Variants in CNTN3 observed in about 807,000 individuals in gnomAD.
CNTN3 encodes contactin-3.
Under a neutral mutation model 119.1 loss-of-function variants are expected in CNTN3, and 60 were observed. The ratio of observed to expected loss-of-function variants is 0.50; its 90% CI spans 0.41 to 0.62. The LOEUF (loss-of-function observed/expected upper bound fraction) is 0.62, where lower values mean the gene tolerates loss of function less well. Among genes scored for constraint, CNTN3 ranks in the 20% least tolerant of loss-of-function variants. The pLI is 0.00. For synonymous variants in CNTN3, 450 were observed against 438.7 expected (o/e 1.03, Z -0.32); for missense variants, 1,101 against 1,242.4 (o/e 0.89, Z 1.71).
At chr3:74,346,611 A>T (rs1414039802) in intron 11 of CNTN3, among the ~76,000 whole-genome samples, 1 of 152,202 alleles carries the variant, frequency 6.6e-6, no homozygotes, top group Non-Finnish European at 1.5e-5. Context: ...TGTATAACAG[A>T]TCATAAATTA....
At chr3:74,309,118 T>C (rs1702625731) in intron 13 of CNTN3, among the ~76,000 whole-genome samples, 1 of 152,066 alleles carries the variant, frequency 6.6e-6, no homozygotes, top group Non-Finnish European at 1.5e-5. Flanking sequence ...TATTTATTTA[T>C]TTTTGAGATG....
At chr3:74,407,111 A>G (rs928759498) in intron 5 of CNTN3, among the ~76,000 whole-genome samples, 8 of 152,174 alleles carry the variant, frequency 5.3e-5, no homozygotes, top group African/African-American at 1.9e-4. Flanking sequence ...GTTAAGTTTT[A>G]GAATTTAAAC....
chr3:74,340,712 A>G (rs1450681599), intron 11 of CNTN3, among the ~76,000 whole-genome samples: 1 of 152,162 alleles, frequency 6.6e-6, no homozygotes, highest in African/African-American at 2.4e-5. Flanking sequence ...TCTGCCCTAA[A>G]TTATAGGTTA....
chr3:74,492,385 C>G (rs1702980568), intron 3 of CNTN3, among the ~76,000 whole-genome samples: 1 of 152,138 alleles, frequency 6.6e-6, no homozygotes, highest in African/African-American at 2.4e-5. Flanking sequence ...CAATCCCCTT[C>G]TTTTAAATCT....
chr3:74,306,513 A>C (rs971653975), intron 13 of CNTN3, among the ~76,000 whole-genome samples: 3 of 152,154 alleles, frequency 2.0e-5, no homozygotes, highest in African/African-American at 2.4e-5. Flanking sequence ...CTCAAGCAGG[A>C]AGGGACCAGA....
intron 1 of CNTN3, among the ~76,000 whole-genome samples, chr3:74,612,740 A>G (rs1705103890): frequency 6.6e-6 from 1 of 152,050 alleles, no homozygotes; most frequent in African/African-American, 2.4e-5. Flanking sequence ...CCACATGTTT[A>G]CTCTCAACTA....
chr3:74,324,522 A>T (rs1703082943), intron 13 of CNTN3, among the ~76,000 whole-genome samples: 1 of 152,206 alleles, frequency 6.6e-6, no homozygotes, highest in Non-Finnish European at 1.5e-5. Flanking sequence ...ATGTAATTTT[A>T]TTGAAGGCTT....
chr3:74,586,962 A>C (rs201414765), intron 1 of CNTN3, among the ~76,000 whole-genome samples: 3 of 152,022 alleles, frequency 2.0e-5, no homozygotes, highest in Non-Finnish European at 4.4e-5. Context: ...ACTATGGTGA[A>C]CTGCCTCTCC....
At chr3:74,594,666 T>C (rs183267128) in intron 1 of CNTN3, among the ~76,000 whole-genome samples, 1,599 of 152,260 alleles carry the variant, frequency 0.011, 18 homozygotes, top group African/African-American at 0.037. Context: ...ATGGTGTATA[T>C]GTGCCACATT....
intron 1 of CNTN3, among the ~76,000 whole-genome samples, chr3:74,584,377 T>C (rs555757704): frequency 9.2e-5 from 14 of 152,262 alleles, no homozygotes; most frequent in South Asian, 4.1e-4. Flanking sequence ...TTATCCCCAA[T>C]GTAGGAGGTG....
At chr3:74,542,297 T>C (rs1703854000) in intron 1 of CNTN3, among the ~76,000 whole-genome samples, 6 of 152,150 alleles carry the variant, frequency 3.9e-5, no homozygotes, top group South Asian at 4.1e-4. Context: ...CTGAAAATTA[T>C]AAATTTCATC....
At chr3:74,455,588 G>T (rs1559611975) in intron 4 of CNTN3, among the ~76,000 whole-genome samples, 1 of 151,996 alleles carries the variant, frequency 6.6e-6, no homozygotes, top group Admixed American at 6.6e-5. Context: ...CCTTTTTAGA[G>T]TTTCCAGTTT....
intron 1 of CNTN3, among the ~76,000 whole-genome samples, chr3:74,604,369 A>G (rs1417237599): frequency 6.6e-6 from 1 of 152,162 alleles, no homozygotes; most frequent in East Asian, 1.9e-4. Context: ...AACAGGAAGA[A>G]GAGACAATCC....
chr3:74,575,935 G>C (rs1008187149), intron 1 of CNTN3, among the ~76,000 whole-genome samples: 38 of 151,898 alleles, frequency 2.5e-4, no homozygotes, highest in Admixed American at 2.5e-3. Flanking sequence ...AAGGATGGCC[G>C]ACCTGGAACC....
At chr3:74,354,934 A>T (rs530700882) in intron 11 of CNTN3, among the ~76,000 whole-genome samples, 1 of 152,218 alleles carries the variant, frequency 6.6e-6, no homozygotes, top group South Asian at 2.1e-4. Context: ...TACCATTTAA[A>T]GACATCTACC....
intron 4 of CNTN3, among the ~76,000 whole-genome samples, chr3:74,427,303 A>C (rs1161537055): frequency 3.3e-4 from 50 of 152,314 alleles, no homozygotes. Flanking sequence ...GGTGTAACCA[A>C]GGCTTTAACA....
At chr3:74,579,152 A>G (rs1704463328) in intron 1 of CNTN3, among the ~76,000 whole-genome samples, 2 of 151,424 alleles carry the variant, frequency 1.3e-5, no homozygotes, top group African/African-American at 4.8e-5. Context: ...CAATACAAAA[A>G]CTAAAAGTCC....
intron 10 of CNTN3, among the ~76,000 whole-genome samples, chr3:74,363,643 A>G (rs1704125141): frequency 1.3e-5 from 2 of 152,256 alleles, no homozygotes; most frequent in Non-Finnish European, 2.9e-5. Flanking sequence ...CTTCCCTTTG[A>G]GCAATTAAGA....
At chr3:74,484,027 T>C (rs1372457183) in intron 4 of CNTN3, among the ~76,000 whole-genome samples, 1 of 152,162 alleles carries the variant, frequency 6.6e-6, no homozygotes, top group East Asian at 1.9e-4. Flanking sequence ...TTTCTTCATA[T>C]GTTATCAGGT....
Sources: allele counts gnomAD v4.1 joint callset (sites outside exome capture counted in the v4.1 genomes callset), GRCh38; gene constraint gnomAD v4.1.1; transcripts MANE v1.5; gene names NCBI Gene and HGNC (gene_info 2026-07-23, HGNC 2026-07-21).